Variants in HOGA1 observed in about 807,000 individuals in gnomAD.
The protein encoded by HOGA1 is 4-hydroxy-2-oxoglutarate aldolase 1.
A neutral mutation model predicts 34.3 loss-of-function variants in HOGA1; 30 were observed. The ratio of observed to expected loss-of-function variants is 0.87; its 90% CI spans 0.65 to 1.19. HOGA1 has a LOEUF of 1.19. Ranked by LOEUF, HOGA1 falls within the 50% of genes most tolerant of loss-of-function variation. The probability of loss-of-function intolerance (pLI) is 0.00; values close to 1 mark genes in which losing one functional copy is unlikely to be tolerated. For synonymous variants in HOGA1, 161 were observed against 174.0 expected (o/e 0.93, Z 0.59); for missense variants, 417 against 436.5 (o/e 0.96, Z 0.40).
chr10:97,607,505 G>A (rs1376492160), intron 6 of HOGA1, among the ~76,000 whole-genome samples: 1 of 152,176 alleles, frequency 6.6e-6, no homozygotes, highest in Non-Finnish European at 1.5e-5. Flanking sequence ...TGTATTGTCT[G>A]TACCCATTGG....
chr10:97,600,603 C>A, intron 5 of HOGA1: 1 of 253,290 alleles, frequency 3.9e-6, no homozygotes, highest in South Asian at 5.2e-5. Flanking sequence ...TCTTCAGTTG[C>A]CTGATCAGAT....
chr10:97,604,617 G>A lies in HOGA1; in HGVS notation c.834+2627G>A, dbSNP rs376613059. ...ATTACAGGCATGAGCCACCACGGCT[G>A]GCCCCCCACAGTATGTTTAACCATT... On this transcript the variant is annotated intron_variant, in intron 6 of 6. Transcript: ENST00000370646. Among the ~76,000 whole-genome samples, 52 of 152,016 alleles carry A rather than the reference G, an allele frequency of 3.4e-4. 1 individual carries two copies. In the East Asian group the frequency reaches 9.9e-3, roughly 29 times the overall value.
chr10:97,611,301 T>A (rs1160366149), intron 6 of HOGA1, among the ~76,000 whole-genome samples: 1 of 152,214 alleles, frequency 6.6e-6, no homozygotes, highest in African/African-American at 2.4e-5. Flanking sequence ...TCTTCCCCAA[T>A]CTGAAGTTTT....
intron 1 of HOGA1, chr10:97,590,224 C>A (rs1564755460): frequency 1.2e-6 from 2 of 1,613,902 alleles, no homozygotes; most frequent in African/African-American, 2.7e-5. Flanking sequence ...TCCAAGAGAT[C>A]CACCAGGAGT....
At chr10:97,590,268 G>T in intron 1 of HOGA1, 3 of 1,613,740 alleles carry the variant, frequency 1.9e-6, no homozygotes, top group Non-Finnish European at 2.5e-6. Flanking sequence ...GAGGCCACGT[G>T]GGCCGCTGTG....
At chr10:97,610,631 A>AAAAAT (rs545351475) in intron 6 of HOGA1, among the ~76,000 whole-genome samples, 1 of 152,120 alleles carries the variant, frequency 6.6e-6, no homozygotes, top group Non-Finnish European at 1.5e-5. Context: ...CTAAAAATAC[A>AAAAAT]AAAATAAAAT....
intron 1 of HOGA1, among the ~76,000 whole-genome samples, chr10:97,598,272 G>C (rs994478812): frequency 6.6e-6 from 1 of 152,174 alleles, no homozygotes; most frequent in African/African-American, 2.4e-5. Context: ...ATAGGTGTGA[G>C]CCACCAGGCC....
intron 1 of HOGA1, among the ~76,000 whole-genome samples, chr10:97,592,475 C>A (rs1277560516): frequency 6.6e-6 from 1 of 151,726 alleles, no homozygotes; most frequent in Admixed American, 6.6e-5. Context: ...CTCCTGACTT[C>A]GTGATCCGCC....
chr10:97,600,316 C>T (rs1014419641), intron 5 of HOGA1, 153 bp downstream of exon 5: 15 of 704,716 alleles, frequency 2.1e-5, no homozygotes, highest in Middle Eastern at 3.7e-4. Context: ...CTGGCCACGC[C>T]GCTTACCTGT....
chr10:97,599,410 G>A, intron 3 of HOGA1, 194 bp downstream of exon 3: 1 of 729,114 alleles, frequency 1.4e-6, no homozygotes, highest in Non-Finnish European at 2.3e-6. Flanking sequence ...TAAAATTGGA[G>A]GAATGATGTC....
At chr10:97,593,671 A>T (rs892370772) in intron 1 of HOGA1, among the ~76,000 whole-genome samples, 1 of 152,188 alleles carries the variant, frequency 6.6e-6, no homozygotes, top group Non-Finnish European at 1.5e-5. Flanking sequence ...ACACACCTCA[A>T]CACCTATGCT....
chr10:97,598,767 T>C lies in HOGA1; in HGVS notation c.212-8T>C. On this transcript the variant is annotated splice_polypyrimidine_tract_variant and splice_region_variant and intron_variant, in intron 1 of 6. Coordinates refer to ENST00000370646, the MANE Select transcript of HOGA1 (RefSeq NM_138413.4). ...TGGGAAGGAGTTAGTCAGCTGTGTC[T>C]CTTGCAGGCTTCGTGGTCCAGGGCT... 1 of 1,614,234 alleles carries C rather than the reference T, an allele frequency of 6.2e-7. No homozygotes were observed. The highest frequency in any genetic ancestry group is 8.5e-7 in the Non-Finnish European group (1 of 1,180,040).
intron 5 of HOGA1, 123 bp downstream of exon 5, chr10:97,600,286 C>T: frequency 1.2e-6 from 1 of 843,414 alleles, no homozygotes; most frequent in Non-Finnish European, 2.0e-6. Flanking sequence ...CCAGCCTGCC[C>T]ACTCTGAAAA....
chr10:97,584,647 T>G lies in HOGA1; in HGVS notation c.-57T>G. 2 of 1,436,652 alleles carry G rather than the reference T, an allele frequency of 1.4e-6. No homozygotes were observed. The highest frequency in any genetic ancestry group is 1.9e-6 in the Non-Finnish European group (2 of 1,042,996). The allele number at this position is 1,436,652 out of a possible 1,614,324, so 89.0% of individuals were successfully genotyped here. Reference sequence around the variant, plus strand: ...TCATTAATAGGGGGTTAGAAAGAGTTCAAACTAAGTCTCACTCTGGGACAT... The same window carrying G: ...TCATTAATAGGGGGTTAGAAAGAGTGCAAACTAAGTCTCACTCTGGGACAT... On this transcript the variant is annotated 5_prime_UTR_variant, in exon 1 of 7. Transcript: ENST00000370646.
chr10:97,589,617 C>A, intron 1 of HOGA1: 1 of 365,142 alleles, frequency 2.7e-6, no homozygotes, highest in Non-Finnish European at 5.1e-6. Context: ...CCTCTCCCCA[C>A]CCCACTCTCC....
intron 1 of HOGA1, among the ~76,000 whole-genome samples, chr10:97,594,873 G>A (rs2041056896): frequency 6.6e-6 from 1 of 152,178 alleles, no homozygotes; most frequent in African/African-American, 2.4e-5. Flanking sequence ...GGATTGAAGA[G>A]TTCTAGGGAC....
At chr10:97,608,867 A>C (rs2041176374) in intron 6 of HOGA1, among the ~76,000 whole-genome samples, 1 of 151,930 alleles carries the variant, frequency 6.6e-6, no homozygotes, top group African/African-American at 2.4e-5. Flanking sequence ...GCCTCCCCTT[A>C]AGTTTTGCAT....
At chr10:97,604,036 C>T (rs1202115186) in intron 6 of HOGA1, among the ~76,000 whole-genome samples, 1 of 152,174 alleles carries the variant, frequency 6.6e-6, no homozygotes, top group African/African-American at 2.4e-5. Flanking sequence ...TATTTCTGTC[C>T]CTACAAGGAT....
intron 5 of HOGA1, among the ~76,000 whole-genome samples, chr10:97,601,511 G>A (rs1208505028): frequency 6.6e-6 from 1 of 152,160 alleles, no homozygotes; most frequent in Non-Finnish European, 1.5e-5. Flanking sequence ...TGAGTCAGGG[G>A]GCTATTGGAG....
Sources: gnomAD v4.1 joint callset for allele counts (sites outside exome capture counted in the v4.1 genomes callset) on GRCh38, gnomAD v4.1.1 for gene constraint, MANE v1.5 for transcripts, NCBI Gene and HGNC (gene_info 2026-07-23, HGNC 2026-07-21) for gene names.